The following FEV variants were observed in gnomAD, a reference collection of about 807,000 sequenced individuals.
FEV encodes protein FEV.
A neutral mutation model predicts 20.5 loss-of-function variants in FEV; 14 were observed. That is an observed-to-expected ratio of 0.68 (90% CI 0.45 to 1.07). The LOEUF (loss-of-function observed/expected upper bound fraction) is 1.07. Among genes scored for constraint, FEV ranks in the 50% least tolerant of loss-of-function variants. The pLI is 0.00. For synonymous variants in FEV, 188 were observed against 163.7 expected, an observed-to-expected ratio of 1.15 and a Z score of -1.13; for missense variants, 301 against 345.3, an observed-to-expected ratio of 0.87 and a Z score of 1.02.
chr2:218,982,933 T>C (rs1287147744), intron 2 of FEV, among the ~76,000 whole-genome samples: 1 of 152,188 alleles, frequency 6.6e-6, no homozygotes, highest in Non-Finnish European at 1.5e-5. Flanking sequence ...AGGGGCAAGC[T>C]CTCATGGGCT....
In FEV at chr2:218,982,011, G is replaced by A; in HGVS notation, c.373C>T (p.Arg125Cys). The change falls in exon 3 of 3, where the codon CGC (arginine) becomes TGC (cysteine). Residue 125 changes from arginine (R) to cysteine (C), a missense_variant. By Grantham distance (180) the Arg-to-Cys change is radical (BLOSUM62 -3). Transcript: ENST00000295727. ...SKVHGKRYAY[R>C]FDFQGLAQAC... ...TGCGCCAGGCCCTGGAAGTCGAAGC[G>A]GTAGGCGTAGCGCTTGCCATGCACC... The A allele has an allele frequency of 1.2e-6, 2 of 1,612,058 alleles. No homozygotes were observed. Among genetic ancestry groups the A allele is most frequent in the Non-Finnish European group, 1.7e-6 (2 of 1,179,274 alleles).
rs1945393191 is a variant in FEV at position 218,982,033 on chromosome 2, C to T, written c.351G>A (p.Val117=). Residue 117 remains valine (V), a synonymous_variant, in exon 3 of 3, where the codon GTG becomes GTA. Transcript: ENST00000295727. ...AGCGGTAGGCGTAGCGCTTGCCATGCACCTTGCTCATGATGTTCTTGTCGT... is the reference window on the plus strand; with the variant it reads ...AGCGGTAGGCGTAGCGCTTGCCATGTACCTTGCTCATGATGTTCTTGTCGT... The part of the protein sequence containing the change: ...YYYDKNIMSK[V]HGKRYAYRFD... The T allele has an allele frequency of 6.2e-7, 1 of 1,613,608 alleles. No individual in the cohort carries two copies. Among genetic ancestry groups the T allele is most frequent in the Non-Finnish European group, 8.5e-7 (1 of 1,179,820 alleles).
At chr2:218,982,999 G>A (rs1945405319) in intron 2 of FEV, among the ~76,000 whole-genome samples, 1 of 152,192 alleles carries the variant, frequency 6.6e-6, no homozygotes, top group Non-Finnish European at 1.5e-5. Flanking sequence ...TGAGAATTTG[G>A]CCTCTTATTT....
chr2:218,984,740 C>G lies in FEV; in HGVS notation c.52+284G>C, dbSNP rs1264498799. Among the ~76,000 whole-genome samples the G allele has an allele frequency of 1.3e-5, 2 of 152,120 alleles. No homozygotes were observed. The highest frequency in any genetic ancestry group is 2.9e-5 in the Non-Finnish European group (2 of 68,030). On this transcript the variant is annotated intron_variant, in intron 1 of 2. Transcript: ENST00000295727. This position sits in a 1 kb window ranked among gnomAD's most constrained non-coding sequence, Gnocchi z 5.0. ...CAGAGTACTCCACCACGCCAGAGACCCGTGCTTCCCCTCTCAGGCTCCTTC... is the reference window on the plus strand; with the variant it reads ...CAGAGTACTCCACCACGCCAGAGACGCGTGCTTCCCCTCTCAGGCTCCTTC...
rs1574488316 is a variant in FEV, at chr2:218,984,597, C to T, written c.53-292G>A. The T allele has an allele frequency of 2.5e-6, 1 of 398,458 alleles. No individual in the cohort carries two copies. The allele number at this position is 398,458 out of a possible 1,614,324, so 24.7% of individuals were successfully genotyped here. A position where few individuals can be genotyped will look rare whatever the true frequency, so the allele number is the denominator to read the frequency against. On this transcript the variant is annotated intron_variant, in intron 1 of 2. Coordinates refer to ENST00000295727, the MANE Select transcript of FEV (RefSeq NM_017521.3). This position sits in a 1 kb window ranked among gnomAD's most constrained non-coding sequence, Gnocchi z 5.0. ...GAACTGCGCCAGCCGAGCTGGAGCG[C>T]GAAGAGAAGAGGAGGGTGCCTGGAG...
In FEV at chr2:218,984,449, C is replaced by T. The variant is rs1020257561; in HGVS notation, c.53-144G>A. The T allele has an allele frequency of 2.7e-5, 19 of 714,626 alleles. No homozygotes were observed. The Admixed American group carries it at 5.9e-4, about 22-fold the overall frequency. The allele number at this position is 714,626 out of a possible 1,614,324, so 44.3% of individuals were successfully genotyped here. ...GCCCGGGCCACCCGGCTCCTCCTCCCGGAGCCTGGTCCAGGCGCGCTGCGC... is the reference window on the plus strand; with the variant it reads ...GCCCGGGCCACCCGGCTCCTCCTCCTGGAGCCTGGTCCAGGCGCGCTGCGC... On this transcript the variant is annotated intron_variant, in intron 1 of 2. Coordinates refer to ENST00000295727, the MANE Select transcript of FEV (RefSeq NM_017521.3). This position sits in a 1 kb window ranked among gnomAD's most constrained non-coding sequence, Gnocchi z 5.0.
rs1404940867 is a variant in FEV, at chr2:218,981,523, G to T, written c.*144C>A. ...CAAGGATTGAGGGAGCTTCGGTCCC[G>T]TCCCCCTGCTAAGTGCGGCAGGTGG... is the stretch of plus-strand genomic sequence containing the variant. On this transcript the variant is annotated 3_prime_UTR_variant, in exon 3 of 3. Transcript: ENST00000295727. The surrounding 1 kb of genome is among the most constrained non-coding windows in gnomAD (Gnocchi z 4.5). 8.2e-6 allele frequency: 5 copies of T among 607,384 alleles called. No homozygotes were observed. The highest frequency in any genetic ancestry group is 7.6e-5 in the African/African-American group (4 of 52,348). 37.6% of individuals were successfully genotyped at this position (607,384 alleles called of 1,614,324 possible).
chr2:218,984,244 G>T lies in FEV; in HGVS notation c.114C>A (p.Pro38=), dbSNP rs1356787537. 2 of 1,598,648 alleles carry T rather than the reference G, an allele frequency of 1.3e-6. No individual in the cohort carries two copies. Among genetic ancestry groups the T allele is most frequent in the Non-Finnish European group, 1.7e-6 (2 of 1,172,986 alleles). The change falls in exon 2 of 3, where the codon CCC becomes CCA. Residue 38 remains proline (P), a synonymous_variant. Transcript: ENST00000295727. The surrounding 1 kb of genome is among the most constrained non-coding windows in gnomAD (Gnocchi z 5.0). ...CGGCCATCTCACCTTTCTGAACCGC[G>T]GGGCTCAGCGGCCCCCAGCTCGGGT... The part of the protein sequence containing the change: ...GKNPSWGPLS[P]AVQKGSGQIQ...
At position 218,981,655 on chromosome 2, in the gene FEV, C is replaced by T; in HGVS notation, c.*12G>A. The T allele has an allele frequency of 2.3e-6, 3 of 1,299,810 alleles. No homozygotes were observed. Among genetic ancestry groups the T allele is most frequent in the Non-Finnish European group, 2.9e-6 (3 of 1,029,236 alleles). 80.5% of individuals were successfully genotyped at this position (1,299,810 alleles called of 1,614,324 possible). A position where few individuals can be genotyped will look rare whatever the true frequency, so the allele number is the denominator to read the frequency against. ...GCGTGCGGGCGAGGCCGCAGGCACC[C>T]GACCGCCCCGTCTAGTGGTAATGGC... On this transcript the variant is annotated 3_prime_UTR_variant, in exon 3 of 3. Transcript: ENST00000295727. This position sits in a 1 kb window ranked among gnomAD's most constrained non-coding sequence, Gnocchi z 4.5.
intron 2 of FEV, 82 bp from the exon 3 acceptor site, chr2:218,982,338 C>T: frequency 7.7e-7 from 1 of 1,290,878 alleles, no homozygotes; most frequent in South Asian, 1.4e-5. Flanking sequence ...AACTGACCCA[C>T]CCCGGCAGGA....
rs1945382656 is a variant in FEV, at chr2:218,981,385, G to C, written c.*282C>G. 2.9e-6 allele frequency: 1 copy of C among 341,538 alleles called. No homozygotes were observed. The highest frequency in any genetic ancestry group is 5.3e-6 in the Non-Finnish European group (1 of 189,200). The allele number at this position is 341,538 out of a possible 1,614,324, so 21.2% of individuals were successfully genotyped here. On this transcript the variant is annotated 3_prime_UTR_variant, in exon 3 of 3. Transcript: ENST00000295727. The surrounding 1 kb of genome is among the most constrained non-coding windows in gnomAD (Gnocchi z 4.5). ...CTGGAGTGGTGGGGAGACAAGAGAG[G>C]TCCACAAATCCCCTCCGGGACCTGG...
Position 218,985,086 on chromosome 2 carries a change from G to T in FEV, c.-11C>A. 6.5e-7 allele frequency: 1 copy of T among 1,546,180 alleles called. No homozygotes were observed. Among genetic ancestry groups the T allele is most frequent in the Non-Finnish European group, 8.7e-7 (1 of 1,144,056 alleles). ...GCCGCTCTGTCTCATCGCCGCCGGG[G>T]ACTGGGCGGTGGGAGATGGGGGGGA... is the stretch of plus-strand genomic sequence containing the variant. On this transcript the variant is annotated 5_prime_UTR_variant, in exon 1 of 3. Coordinates refer to ENST00000295727, the MANE Select transcript of FEV (RefSeq NM_017521.3).
In FEV at chr2:218,981,762, T is replaced by C; in HGVS notation, c.622A>G (p.Thr208Ala). 4.7e-6 allele frequency: 6 copies of C among 1,272,640 alleles called. No individual in the cohort carries two copies. Among genetic ancestry groups the C allele is most frequent in the South Asian group, 3.2e-5 (1 of 31,714 alleles). The allele number at this position is 1,272,640 out of a possible 1,614,324, so 78.8% of individuals were successfully genotyped here. A position where few individuals can be genotyped will look rare whatever the true frequency, so the allele number is the denominator to read the frequency against. The change falls in exon 3 of 3, where the codon ACC becomes GCC. Residue 208 changes from threonine (T) to alanine (A), a missense_variant. By Grantham distance (58) the Thr-to-Ala change is moderately conservative (BLOSUM62 0). Transcript: ENST00000295727. The surrounding 1 kb of genome is among the most constrained non-coding windows in gnomAD (Gnocchi z 4.5). The stretch of plus-strand genomic sequence containing the variant: ...CTGGGACTGGGGTAGAGCGCGGCGG[T>C]GGCGGCGGCAGCGGTGGCGGCGGGG... Reference protein sequence around the residue: ...PGPAATAAAATAALYPSPSLQ... With the variant: ...PGPAATAAAAAAALYPSPSLQ...
At chr2:218,983,323 G>A (rs1357863210) in intron 2 of FEV, among the ~76,000 whole-genome samples, 1 of 152,092 alleles carries the variant, frequency 6.6e-6, no homozygotes, top group East Asian at 1.9e-4. Context: ...CCTCAAAGTG[G>A]TCTGCTTACT....
At chr2:218,982,389 T>C (rs544434251) in intron 2 of FEV, 133 bp from the exon 3 acceptor site, 356 of 820,514 alleles carry the variant, frequency 4.3e-4, no homozygotes, top group Admixed American at 7.8e-4. Context: ...AAACTGCAGC[T>C]GCGTTCGGCG....
In FEV at chr2:218,984,931, T is replaced by A; in HGVS notation, c.52+93A>T. On this transcript the variant is annotated intron_variant, in intron 1 of 2. Coordinates refer to ENST00000295727, the MANE Select transcript of FEV (RefSeq NM_017521.3). This position sits in a 1 kb window ranked among gnomAD's most constrained non-coding sequence, Gnocchi z 5.0. ...AACCCGAATCTCCGGACACTTCTCC[T>A]TCCCCTGGACCCCAGCACTCTCTTC... is the stretch of plus-strand genomic sequence containing the variant. 2.5e-6 allele frequency: 3 copies of A among 1,204,050 alleles called. No individual in the cohort carries two copies. The South Asian group carries it at 3.9e-5, about 16-fold the overall frequency. The allele number at this position is 1,204,050 out of a possible 1,614,324, so 74.6% of individuals were successfully genotyped here.
Position 218,982,196 on chromosome 2 carries a change from G to C in FEV, c.188C>G (p.Ala63Gly), listed in dbSNP as rs779455782. The C allele has an allele frequency of 6.2e-7, 1 of 1,610,904 alleles. No homozygotes were observed. The highest frequency in any genetic ancestry group is 8.5e-7 in the Non-Finnish European group (1 of 1,178,950). Residue 63 changes from alanine to glycine, a missense_variant, in exon 3 of 3, where the codon GCC (alanine) becomes GGC (glycine). Ala to Gly is a moderately conservative substitution (Grantham distance 60). Coordinates refer to ENST00000295727, the MANE Select transcript of FEV (RefSeq NM_017521.3). The stretch of plus-strand genomic sequence containing the variant: ...ACCGCCCTCCCACGCGATGCAGCCG[G>C]CGTTCGCGCGGTCAGCCAGCAGCTC... The part of the protein sequence containing the change: ...LLELLADRAN[A>G]GCIAWEGGHG...
chr2:218,985,104 G>T lies in FEV; in HGVS notation c.-29C>A, dbSNP rs749524651. On this transcript the variant is annotated 5_prime_UTR_variant, in exon 1 of 3. Coordinates refer to ENST00000295727, the MANE Select transcript of FEV (RefSeq NM_017521.3). ...CGCCGGGGACTGGGCGGTGGGAGAT[G>T]GGGGGGACGGGGAAGGGGGGCGAGG... is the stretch of plus-strand genomic sequence containing the variant. The T allele has an allele frequency of 1.9e-4, 280 of 1,480,658 alleles. No homozygotes were observed. The highest frequency in any genetic ancestry group is 3.6e-4 in the Middle Eastern group (2 of 5,540). 91.7% of individuals were successfully genotyped at this position (1,480,658 alleles called of 1,614,324 possible). A position where few individuals can be genotyped will look rare whatever the true frequency, so the allele number is the denominator to read the frequency against.
At chr2:218,982,294 GGGAGGC>G in intron 2 of FEV, 38 bp from the exon 3 acceptor site, 1 of 1,510,976 alleles carries the variant, frequency 6.6e-7, no homozygotes, top group Non-Finnish European at 8.9e-7. Context: ...GGCGGGAGCG[GGGAGGC>G]GGGAACTGGG....
Sources: gnomAD v4.1 joint callset for allele counts (sites outside exome capture counted in the v4.1 genomes callset) on GRCh38, gnomAD v4.1.1 for gene constraint, Gnocchi (gnomAD v3.1) non-coding constraint, MANE v1.5 for transcripts, NCBI Gene and HGNC (gene_info 2026-07-23, HGNC 2026-07-21) for gene names.